Variants in PLA2G4E observed in about 807,000 individuals in gnomAD.
PLA2G4E encodes the protein phospholipase A2 group IVE, also known as cytosolic phospholipase A2 epsilon.
A neutral mutation model predicts 109.1 loss-of-function variants in PLA2G4E; 84 were observed. The observed-to-expected ratio is 0.77, with a 90% CI of 0.65 to 0.92. The LOEUF is 0.92. PLA2G4E is among the 40% of genes least tolerant of loss of function. PLA2G4E has a pLI of 0.00. For synonymous variants in PLA2G4E, 469 were observed against 436.1 expected (o/e 1.08, Z -0.94); for missense variants, 1,057 against 1,076.6 (o/e 0.98, Z 0.25).
At position 42,050,489 on chromosome 15, in the gene PLA2G4E, A is replaced by G. The variant is rs1595582597; in HGVS notation, c.183+32T>C. 6.5e-6 allele frequency: 10 copies of G among 1,541,246 alleles called. No individual in the cohort carries two copies. In the East Asian group the frequency reaches 2.2e-4, roughly 34 times the overall value. ...GGAAAGTGAGGTTAAAATTTAAGGG[A>G]CCAGACCCCCCTCCCAGGAACACAG... On this transcript the variant is annotated intron_variant, in intron 1 of 19. Transcript: ENST00000399518.
exon 13 of PLA2G4E, chr15:41,992,842 C>G (rs1320372850): frequency 6.2e-7 from 1 of 1,614,028 alleles, no homozygotes; most frequent in Admixed American, 1.7e-5. Context: ...ATTTGCGGAG[C>G]TGGTCTGGGA....
chr15:41,984,048 C>T (rs2068101206), intron 19 of PLA2G4E, 74 bp from the exon 20 acceptor site: 6 of 1,351,006 alleles, frequency 4.4e-6, no homozygotes, highest in Non-Finnish European at 6.2e-6. Context: ...CATCTCTCCC[C>T]AAGGCCCACC....
At chr15:42,008,261 C>A (rs1392351543) in intron 2 of PLA2G4E, among the ~76,000 whole-genome samples, 1 of 152,226 alleles carries the variant, frequency 6.6e-6, no homozygotes, top group Admixed American at 6.5e-5. Flanking sequence ...CCAGGAAAAC[C>A]AAAGTAGGGC....
Position 42,027,883 on chromosome 15 carries a change from C to G in PLA2G4E, c.184-14126G>C, listed in dbSNP as rs190434807. Among the ~76,000 whole-genome samples the G allele has an allele frequency of 3.7e-3, 252 of 67,294 alleles. 1 individual carries two copies. Among genetic ancestry groups the G allele is most frequent in the African/African-American group, 0.013 (246 of 18,438 alleles). 44.1% of individuals were successfully genotyped at this position (67,294 alleles called of 152,430 possible). On this transcript the variant is annotated intron_variant, in intron 1 of 19. Coordinates refer to ENST00000399518, the Ensembl canonical transcript of PLA2G4E. ...AGCCCTCCTGGGCCACCCTCCACCT[C>G]TCATCTACCTACTTGCTTCTGTGTT...
At chr15:42,032,429 G>A (rs1407894536) in intron 1 of PLA2G4E, among the ~76,000 whole-genome samples, 3 of 152,248 alleles carry the variant, frequency 2.0e-5, no homozygotes, top group Admixed American at 6.5e-5. Context: ...TCAGGCCTGG[G>A]AGGGGCATGA....
intron 4 of PLA2G4E, 74 bp downstream of exon 4, chr15:42,005,916 G>A: frequency 1.3e-6 from 2 of 1,527,164 alleles, no homozygotes; most frequent in Non-Finnish European, 1.8e-6. Context: ...CCTGGGGAAT[G>A]GCTTTGTGGG....
intron 19 of PLA2G4E, 81 bp from the exon 20 acceptor site, chr15:41,984,055 C>T: frequency 8.1e-7 from 1 of 1,233,324 alleles, no homozygotes; most frequent in Admixed American, 2.0e-5. Context: ...CCCCAAGGCC[C>T]ACCAACCTGC....
intron 1 of PLA2G4E, among the ~76,000 whole-genome samples, chr15:42,017,484 G>T (rs558991414): frequency 6.6e-6 from 1 of 152,052 alleles, no homozygotes; most frequent in South Asian, 2.1e-4. Context: ...CCTTACAACC[G>T]CCCCACGAAG....
chr15:42,004,059 C>G (rs1442457117), intron 5 of PLA2G4E, among the ~76,000 whole-genome samples: 1 of 152,062 alleles, frequency 6.6e-6, no homozygotes, highest in East Asian at 1.9e-4. Flanking sequence ...GCCTGTAATC[C>G]CAGCACTTTG....
intron 1 of PLA2G4E, among the ~76,000 whole-genome samples, chr15:42,019,953 A>G (rs2068632681): frequency 6.6e-6 from 1 of 152,036 alleles, no homozygotes; most frequent in Non-Finnish European, 1.5e-5. Context: ...TCTGTGGAAG[A>G]CCTCTCCTGG....
chr15:42,001,528 C>T (rs2068419860), intron 6 of PLA2G4E, among the ~76,000 whole-genome samples: 1 of 152,162 alleles, frequency 6.6e-6, no homozygotes, highest in South Asian at 2.1e-4. Context: ...CAGCTCTGGG[C>T]TTTCAAAGTG....
At chr15:42,034,626 C>A (rs1889174974) in intron 1 of PLA2G4E, among the ~76,000 whole-genome samples, 1 of 152,218 alleles carries the variant, frequency 6.6e-6, no homozygotes, top group African/African-American at 2.4e-5. Context: ...ACAATTAAAT[C>A]TCCTCCTCTG....
intron 10 of PLA2G4E, chr15:41,998,719 C>G (rs2068379129): frequency 6.6e-6 from 1 of 152,166 alleles, no homozygotes; most frequent in African/African-American, 2.4e-5. Context: ...AATGTGAGAG[C>G]TAAAACTAAA....
At chr15:42,046,530 C>T (rs1200000966) in intron 1 of PLA2G4E, among the ~76,000 whole-genome samples, 2 of 152,208 alleles carry the variant, frequency 1.3e-5, no homozygotes, top group Non-Finnish European at 2.9e-5. Flanking sequence ...GTTCAAATGT[C>T]ACCCTCTTCT....
chr15:42,049,009 G>T (rs114295295), intron 1 of PLA2G4E, among the ~76,000 whole-genome samples: 2 of 152,200 alleles, frequency 1.3e-5, no homozygotes, highest in African/African-American at 4.8e-5. Flanking sequence ...GAGACAGCTC[G>T]CCCCAGTTCC....
rs376699673 is a variant in PLA2G4E, at chr15:42,035,992, A to T, written c.183+14529T>A. On this transcript the variant is annotated intron_variant, in intron 1 of 19. Coordinates refer to ENST00000399518, the Ensembl canonical transcript of PLA2G4E. ...TACAAATATCCATTCTGCTATAAACATGTTTTTTTTCTCTACTTTACATTA... is the reference window on the plus strand; with the variant it reads ...TACAAATATCCATTCTGCTATAAACTTGTTTTTTTTCTCTACTTTACATTA... 6.4e-4 allele frequency among the ~76,000 whole-genome samples: 79 copies of T among 123,674 alleles called. 1 individual carries two copies. Among genetic ancestry groups the T allele is most frequent in the African/African-American group, 2.8e-3 (75 of 26,838 alleles). 81.1% of individuals were successfully genotyped at this position (123,674 alleles called of 152,430 possible). A position where few individuals can be genotyped will look rare whatever the true frequency, so the allele number is the denominator to read the frequency against.
At chr15:41,987,408 T>C in intron 16 of PLA2G4E, 33 bp from the exon 17 acceptor site, 1 of 1,595,744 alleles carries the variant, frequency 6.3e-7, no homozygotes, top group East Asian at 2.2e-5. Flanking sequence ...GGGCAGGTCA[T>C]GAGAGGTGGA....
intron 1 of PLA2G4E, among the ~76,000 whole-genome samples, chr15:42,016,241 C>CTTTTTTTTTTTTTTTTTT (rs1168452228): frequency 9.6e-6 from 1 of 104,686 alleles, no homozygotes; most frequent in Non-Finnish European, 1.9e-5. Context: ...TTTATCTTTA[C>CTTTTTTTTTTTTTTTTTT]TTTTTTTTTT....
intron 4 of PLA2G4E, 32 bp from the exon 5 acceptor site, chr15:42,005,010 G>A: frequency 6.2e-7 from 1 of 1,609,706 alleles, no homozygotes; most frequent in South Asian, 1.1e-5. Flanking sequence ...GCAGCTGTGA[G>A]TGGCGTCTGC....
Sources: allele counts gnomAD v4.1 joint callset (sites outside exome capture counted in the v4.1 genomes callset), GRCh38; gene constraint gnomAD v4.1.1; transcripts MANE v1.5; gene names NCBI Gene and HGNC (gene_info 2026-07-23, HGNC 2026-07-21).